Variants in RGS7BP observed in about 807,000 individuals in gnomAD.
RGS7BP encodes regulator of G protein signaling 7 binding protein.
In RGS7BP, 9 loss-of-function variants were observed where a neutral mutation model predicts 31.3. The observed-to-expected ratio is 0.29, with a 90% CI of 0.17 to 0.50. The LOEUF (loss-of-function observed/expected upper bound fraction) is 0.50, where lower values mean the gene tolerates loss of function less well. Ranked by LOEUF, RGS7BP falls within the 20% of genes least tolerant of loss-of-function variation. The pLI is 0.98. For synonymous variants in RGS7BP, 115 were observed against 120.1 expected, an observed-to-expected ratio of 0.96 and a Z score of 0.28; for missense variants, 274 against 322.0, an observed-to-expected ratio of 0.85 and a Z score of 1.14.
chr5:64,537,034 T>A, intron 2 of RGS7BP, among the ~76,000 whole-genome samples: 1 of 152,194 alleles, frequency 6.6e-6, no homozygotes, highest in South Asian at 2.1e-4. Context: ...AAACTGGAAA[T>A]TGGAGATGAT....
intron 2 of RGS7BP, among the ~76,000 whole-genome samples, chr5:64,518,576 A>G (rs572058771): frequency 3.9e-5 from 6 of 152,316 alleles, no homozygotes; most frequent in Non-Finnish European, 7.4e-5. Flanking sequence ...GACCAGTCCT[A>G]TGATAATTTC....
intron 2 of RGS7BP, among the ~76,000 whole-genome samples, chr5:64,558,872 C>A (rs1290611690): frequency 6.6e-6 from 1 of 152,194 alleles, no homozygotes; most frequent in African/African-American, 2.4e-5. Flanking sequence ...ATGAAACATG[C>A]CCTGGCCTCC....
chr5:64,506,455 G>C lies in RGS7BP; in HGVS notation c.-170G>C. 1 of 487,710 alleles carries C rather than the reference G, an allele frequency of 2.1e-6. No homozygotes were observed. The highest frequency in any genetic ancestry group is 3.6e-5 in the Admixed American group (1 of 27,822). 30.2% of individuals were successfully genotyped at this position (487,710 alleles called of 1,614,324 possible). On this transcript the variant is annotated 5_prime_UTR_variant, in exon 1 of 6. Transcript: ENST00000334025. This position sits in a 1 kb window ranked among gnomAD's most constrained non-coding sequence, Gnocchi z 4.6. ...GCACGGCACAGCTAGCGCTTCCCCG[G>C]CTCTCCTTCAAGCTGAAGGTTACCG...
intron 2 of RGS7BP, among the ~76,000 whole-genome samples, chr5:64,567,487 C>A (rs1031797425): frequency 3.3e-5 from 5 of 152,114 alleles, no homozygotes; most frequent in African/African-American, 9.7e-5. Flanking sequence ...CTAGATTCTA[C>A]AATTAACATT....
intron 5 of RGS7BP, among the ~76,000 whole-genome samples, chr5:64,600,264 G>A (rs1397825498): frequency 6.6e-6 from 1 of 151,934 alleles, no homozygotes; most frequent in Non-Finnish European, 1.5e-5. Flanking sequence ...GGCTGCCCAG[G>A]GTCCCCCAGT....
At chr5:64,585,450 GAAAA>G (rs1333870619) in intron 3 of RGS7BP, among the ~76,000 whole-genome samples, 8 of 152,010 alleles carry the variant, frequency 5.3e-5, no homozygotes, top group African/African-American at 1.9e-4. Context: ...AAGGGGCAAA[GAAAA>G]GAGGAGTGGG....
At chr5:64,600,263 G>A (rs1743184513) in intron 5 of RGS7BP, among the ~76,000 whole-genome samples, 1 of 152,100 alleles carries the variant, frequency 6.6e-6, no homozygotes, top group African/African-American at 2.4e-5. Flanking sequence ...TGGCTGCCCA[G>A]GGTCCCCCAG....
At chr5:64,567,853 G>A (rs528149135) in intron 2 of RGS7BP, among the ~76,000 whole-genome samples, 85 of 145,828 alleles carry the variant, frequency 5.8e-4, no homozygotes, top group African/African-American at 1.9e-3. Context: ...CCATACTTTC[G>A]ATATAATGAA....
At chr5:64,577,759 A>G (rs1450814142) in intron 3 of RGS7BP, among the ~76,000 whole-genome samples, 2 of 152,134 alleles carry the variant, frequency 1.3e-5, no homozygotes, top group African/African-American at 2.4e-5. Context: ...ACACACAAAC[A>G]TGTACATGCA....
At chr5:64,588,024 T>A (rs562333888) in intron 3 of RGS7BP, among the ~76,000 whole-genome samples, 1 of 152,224 alleles carries the variant, frequency 6.6e-6, no homozygotes, top group African/African-American at 2.4e-5. Flanking sequence ...ATACCAAATA[T>A]AACAAATGAT....
intron 5 of RGS7BP, among the ~76,000 whole-genome samples, chr5:64,598,839 T>G (rs183435495): frequency 6.6e-6 from 1 of 152,240 alleles, no homozygotes; most frequent in African/African-American, 2.4e-5. Flanking sequence ...ATACTTTGCA[T>G]GTATTAACTG....
intron 3 of RGS7BP, among the ~76,000 whole-genome samples, chr5:64,593,802 C>A (rs750522615): frequency 4.3e-4 from 66 of 152,098 alleles, no homozygotes; most frequent in Non-Finnish European, 8.5e-4. Flanking sequence ...AATGAATGAA[C>A]AAATGACTAA....
chr5:64,606,323 G>A (rs971178184), intron 5 of RGS7BP, among the ~76,000 whole-genome samples: 1 of 196 alleles, frequency 5.1e-3, no homozygotes, highest in Non-Finnish European at 0.011. Context: ...CATGTAAGAG[G>A]AGCAAACACA....
At chr5:64,549,879 C>T (rs1741748097) in intron 2 of RGS7BP, among the ~76,000 whole-genome samples, 1 of 152,170 alleles carries the variant, frequency 6.6e-6, no homozygotes, top group Non-Finnish European at 1.5e-5. Flanking sequence ...ACTGTAAGCA[C>T]TCAGAGGAGC....
chr5:64,601,700 G>T (rs940810277), intron 5 of RGS7BP, among the ~76,000 whole-genome samples: 1 of 152,144 alleles, frequency 6.6e-6, no homozygotes, highest in African/African-American at 2.4e-5. Flanking sequence ...TAGGACACTG[G>T]CAGTGCTGTA....
intron 2 of RGS7BP, among the ~76,000 whole-genome samples, chr5:64,563,389 C>T (rs1248230948): frequency 6.6e-6 from 1 of 152,000 alleles, no homozygotes; most frequent in Non-Finnish European, 1.5e-5. Flanking sequence ...GAAATAAGGT[C>T]ATTGCTGATA....
intron 5 of RGS7BP, among the ~76,000 whole-genome samples, chr5:64,601,979 T>C (rs1375957511): frequency 6.6e-6 from 1 of 152,206 alleles, no homozygotes; most frequent in African/African-American, 2.4e-5. Flanking sequence ...ATTTGGTCGT[T>C]GATGCCATGC....
intron 2 of RGS7BP, among the ~76,000 whole-genome samples, chr5:64,534,282 C>A (rs771824372): frequency 4.6e-5 from 7 of 152,160 alleles, no homozygotes; most frequent in Admixed American, 1.3e-4. Flanking sequence ...GAAAGCAGGA[C>A]AAGACAAGGT....
chr5:64,521,698 A>G (rs1749112920), intron 2 of RGS7BP, among the ~76,000 whole-genome samples: 1 of 152,198 alleles, frequency 6.6e-6, no homozygotes, highest in East Asian at 1.9e-4. Context: ...TACCCTCGCC[A>G]AAATATTGCT....
Sources: gnomAD v4.1 joint callset for allele counts (sites outside exome capture counted in the v4.1 genomes callset) on GRCh38, gnomAD v4.1.1 for gene constraint, Gnocchi (gnomAD v3.1) non-coding constraint, MANE v1.5 for transcripts, NCBI Gene and HGNC (gene_info 2026-07-23, HGNC 2026-07-21) for gene names.